The following EVC2 variants were observed in gnomAD, a reference collection of about 807,000 sequenced individuals.
The protein encoded by EVC2 is EvC ciliary complex subunit 2, also known as limbin.
In EVC2, 148 loss-of-function variants were observed where a neutral mutation model predicts 149.3. That is an observed-to-expected ratio of 0.99 (90% CI 0.87 to 1.14). The LOEUF (loss-of-function observed/expected upper bound fraction) is 1.14. Ranked by LOEUF, EVC2 falls within the 50% of genes most tolerant of loss-of-function variation. The pLI is 0.00. For synonymous variants in EVC2, 776 were observed against 649.9 expected, an observed-to-expected ratio of 1.19 and a Z score of -2.95; for missense variants, 1,854 against 1,627.3, an observed-to-expected ratio of 1.14 and a Z score of -2.40.
intron 5 of EVC2, among the ~76,000 whole-genome samples, chr4:5,687,654 TG>T (rs1463966394): frequency 6.6e-6 from 1 of 151,986 alleles, no homozygotes; most frequent in Non-Finnish European, 1.5e-5. Flanking sequence ...AGAGATGATT[TG>T]TATATTCAGA....
chr4:5,540,486 T>A (rs1721492616), downstream of EVC2, among the ~76,000 whole-genome samples: 1 of 152,238 alleles, frequency 6.6e-6, no homozygotes, highest in Non-Finnish European at 1.5e-5. Flanking sequence ...TGCTCTGCAA[T>A]TAAAATAATG....
intron 1 of EVC2, among the ~76,000 whole-genome samples, chr4:5,706,747 C>T (rs1266835871): frequency 1.3e-5 from 2 of 152,058 alleles, no homozygotes; most frequent in East Asian, 1.9e-4. Context: ...CCCAGAGAGA[C>T]GGAAGAAGGC....
chr4:5,546,261 A>T (rs1276332629), intron 21 of EVC2, among the ~76,000 whole-genome samples: 4 of 152,196 alleles, frequency 2.6e-5, no homozygotes, highest in Non-Finnish European at 5.9e-5. Context: ...AGGCACATGC[A>T]TACGTATGTT....
chr4:5,544,118 C>T (rs1721567461), intron 21 of EVC2, among the ~76,000 whole-genome samples: 1 of 152,170 alleles, frequency 6.6e-6, no homozygotes, highest in Non-Finnish European at 1.5e-5. Flanking sequence ...GGGAGGGAGA[C>T]ACCCTGCGGT....
intron 18 of EVC2, 120 bp from the exon 19 acceptor site, chr4:5,574,892 T>C: frequency 9.4e-7 from 1 of 1,062,780 alleles, no homozygotes; most frequent in Non-Finnish European, 1.4e-6. Context: ...TAAAAATATG[T>C]CCATAGAAAG....
At chr4:5,695,326 C>G (rs187709904) in intron 2 of EVC2, among the ~76,000 whole-genome samples, 1 of 144,708 alleles carries the variant, frequency 6.9e-6, no homozygotes, top group Non-Finnish European at 1.5e-5. Flanking sequence ...CCAGTCTGGG[C>G]GACAGAGCAA....
rs1195335340 is a variant in EVC2 at position 5,700,452 on chromosome 4, G to A, written c.229-2805C>T. ...CAGCACCTGCTGCTTGTTAGGCACT[G>A]TGCTAGGGATCACATGTCAGGCAAA... On this transcript the variant is annotated intron_variant, in intron 1 of 21. Transcript: ENST00000344408. Among the ~76,000 whole-genome samples the A allele has an allele frequency of 2.0e-5, 3 of 152,190 alleles. No individual in the cohort carries two copies. In the East Asian group the frequency reaches 5.8e-4, roughly 29 times the overall value.
chr4:5,591,219 C>T (rs1712764024), intron 16 of EVC2, among the ~76,000 whole-genome samples: 1 of 152,172 alleles, frequency 6.6e-6, no homozygotes, highest in African/African-American at 2.4e-5. Flanking sequence ...CCCTATTTAG[C>T]ATAAATTCCT....
At chr4:5,546,437 C>A (rs1056010835) in intron 21 of EVC2, among the ~76,000 whole-genome samples, 2 of 151,942 alleles carry the variant, frequency 1.3e-5, no homozygotes, top group Non-Finnish European at 2.9e-5. Flanking sequence ...AAACTGGAAA[C>A]CATCATTCTC....
intron 6 of EVC2, 97 bp from the exon 7 acceptor site, chr4:5,681,410 T>C: frequency 2.4e-6 from 3 of 1,263,680 alleles, no homozygotes; most frequent in Non-Finnish European, 3.4e-6. Context: ...AGCCTGGAGC[T>C]ACAATCAGCC....
At chr4:5,612,823 G>A (rs1312397627) in intron 16 of EVC2, among the ~76,000 whole-genome samples, 1 of 148,856 alleles carries the variant, frequency 6.7e-6, no homozygotes, top group Non-Finnish European at 1.5e-5. Context: ...TTGGGAGGCT[G>A]AGGCAGGAGA....
chr4:5,616,364 C>T (rs1444570070), intron 15 of EVC2, among the ~76,000 whole-genome samples: 1 of 152,132 alleles, frequency 6.6e-6, no homozygotes, highest in Non-Finnish European at 1.5e-5. Flanking sequence ...TTTGCAAGTG[C>T]CTTTGAAACT....
chr4:5,699,485 C>A (rs1364145788), intron 1 of EVC2, among the ~76,000 whole-genome samples: 1 of 152,056 alleles, frequency 6.6e-6, no homozygotes, highest in African/African-American at 2.4e-5. Flanking sequence ...GAGGTATTTG[C>A]ACATCTGTGT....
intron 7 of EVC2, among the ~76,000 whole-genome samples, chr4:5,672,305 C>T (rs1719698849): frequency 6.6e-6 from 1 of 152,206 alleles, no homozygotes; most frequent in Non-Finnish European, 1.5e-5. Flanking sequence ...CCCAGCCTGA[C>T]AGAGCCTTCG....
chr4:5,641,199 A>G (rs1560188401), intron 9 of EVC2, among the ~76,000 whole-genome samples: 1 of 152,216 alleles, frequency 6.6e-6, no homozygotes, highest in Admixed American at 6.5e-5. Flanking sequence ...ATTAAAAATC[A>G]ATTTATGGAC....
Position 5,562,887 on chromosome 4 carries a change from CA to C in EVC2, c.3887del (p.Leu1296Ter). On this transcript the variant is annotated frameshift_variant, in exon 22 of 22. Coordinates refer to ENST00000344408, the MANE Select transcript of EVC2 (RefSeq NM_147127.5). LOFTEE classifies it high-confidence loss of function. This position sits in a 1 kb window ranked among gnomAD's most constrained non-coding sequence, Gnocchi z 4.3. ...HVPPRKKKNF[L>X]NAKKAMRALG... ...AGGCCCTCATGGCCTTTTTGGCATTCAAAAAGTTCTTCTTTTTCCTGGGAGG... is the reference window on the plus strand; with the variant it reads ...AGGCCCTCATGGCCTTTTTGGCATTCAAAAGTTCTTCTTTTTCCTGGGAGG... 1.2e-6 allele frequency: 2 copies of C among 1,614,152 alleles called. No homozygotes were observed. Among genetic ancestry groups the C allele is most frequent in the Non-Finnish European group, 1.7e-6 (2 of 1,180,026 alleles).
chr4:5,662,682 T>C (rs1718978709), intron 9 of EVC2, among the ~76,000 whole-genome samples: 1 of 146,754 alleles, frequency 6.8e-6, no homozygotes, highest in Non-Finnish European at 1.5e-5. Context: ...ATAAATATAA[T>C]ATTAAATATA....
intron 1 of EVC2, among the ~76,000 whole-genome samples, chr4:5,701,543 C>G (rs547623975): frequency 6.6e-6 from 1 of 152,190 alleles, no homozygotes; most frequent in African/African-American, 2.4e-5. Context: ...ATCTTTTCCT[C>G]TCCTAGTCAA....
chr4:5,626,667 T>C (rs1380011961), intron 12 of EVC2, among the ~76,000 whole-genome samples: 2 of 152,052 alleles, frequency 1.3e-5, no homozygotes, highest in African/African-American at 2.4e-5. Flanking sequence ...TGTGAGGGTG[T>C]TTCCAGTGGA....
Sources: gnomAD v4.1 joint callset for allele counts (sites outside exome capture counted in the v4.1 genomes callset) on GRCh38, gnomAD v4.1.1 for gene constraint, Gnocchi (gnomAD v3.1) non-coding constraint, MANE v1.5 for transcripts, NCBI Gene and HGNC (gene_info 2026-07-23, HGNC 2026-07-21) for gene names.